Variants in DUSP29 observed in about 807,000 individuals in gnomAD.
DUSP29 encodes the protein dual specificity phosphatase 29.
DUSP29 carries 12 observed loss-of-function variants against 13.5 expected under a neutral mutation model. That is an observed-to-expected ratio of 0.89 (90% confidence interval 0.57 to 1.44). The LOEUF (loss-of-function observed/expected upper bound fraction) is 1.44. DUSP29 is among the 40% of genes most tolerant of loss of function. The probability of loss-of-function intolerance (pLI) is 0.00; values close to 1 mark genes in which losing one functional copy is unlikely to be tolerated. For synonymous variants in DUSP29, 134 were observed against 128.7 expected (o/e 1.04, Z -0.28); for missense variants, 308 against 301.1 (o/e 1.02, Z -0.17).
chr10:75,057,682 G>A (rs1474302117), intron 2 of DUSP29, among the ~76,000 whole-genome samples: 3 of 152,112 alleles, frequency 2.0e-5, no homozygotes, highest in African/African-American at 7.2e-5. Context: ...AGTTGTGTAG[G>A]GAGTGGGGAA....
chr10:75,037,487 A>G lies in DUSP29; in HGVS notation c.*349T>C, dbSNP rs1846488609. 6.6e-6 allele frequency among the ~76,000 whole-genome samples: 1 copy of G among 152,356 alleles called. No homozygotes were observed. The highest frequency in any genetic ancestry group is 2.1e-4 in the South Asian group (1 of 4,828). On this transcript the variant is annotated 3_prime_UTR_variant, in exon 4 of 4. Coordinates refer to ENST00000338487, the MANE Select transcript of DUSP29 (RefSeq NM_001003892.3). ...ATGACTTTCCTTTCAGACAAAGCCA[A>G]ACGTTTAATCACAACATACTGCCTA...
chr10:75,063,552 C>T (rs2134302858), intron 1 of DUSP29, among the ~76,000 whole-genome samples: 1 of 152,146 alleles, frequency 6.6e-6, no homozygotes, highest in South Asian at 2.1e-4. Flanking sequence ...CCTGAGTGGA[C>T]CACTTTTGAA....
chr10:75,062,514 G>A (rs1301141294), intron 1 of DUSP29, among the ~76,000 whole-genome samples: 1 of 152,182 alleles, frequency 6.6e-6, no homozygotes, highest in East Asian at 1.9e-4. Flanking sequence ...AGGAAGTGGT[G>A]CGGTCTACCC....
intron 2 of DUSP29, among the ~76,000 whole-genome samples, chr10:75,051,183 G>C (rs117013570): frequency 1.6e-4 from 24 of 152,236 alleles, no homozygotes; most frequent in Non-Finnish European, 3.1e-4. Context: ...TCTGACCCAG[G>C]GTTGTTTTCT....
chr10:75,037,800 G>C lies in DUSP29; in HGVS notation c.*36C>G, dbSNP rs551692465. 1 of 1,578,252 alleles carries C rather than the reference G, an allele frequency of 6.3e-7. No homozygotes were observed. The highest frequency in any genetic ancestry group is 1.3e-5 in the African/African-American group (1 of 74,582). ...GGGCTATGTTCTGCCTCTCCCCTCT[G>C]TCCCCAAGTGCCTCTGCTGGCCCTG... On this transcript the variant is annotated 3_prime_UTR_variant, in exon 4 of 4. Coordinates refer to ENST00000338487, the MANE Select transcript of DUSP29 (RefSeq NM_001003892.3).
At chr10:75,043,260 A>G (rs892881593) in intron 3 of DUSP29, among the ~76,000 whole-genome samples, 1 of 152,206 alleles carries the variant, frequency 6.6e-6, no homozygotes, top group African/African-American at 2.4e-5. Context: ...AGGTCTCTCC[A>G]TGGATTCCCA....
intron 2 of DUSP29, among the ~76,000 whole-genome samples, chr10:75,046,118 AAAAAG>A (rs1001139999): frequency 2.6e-5 from 4 of 151,766 alleles, no homozygotes; most frequent in African/African-American, 9.7e-5. Context: ...TCTTTAAAAA[AAAAAG>A]AAAAGAAAAA....
In DUSP29 at chr10:75,043,871, A is replaced by C; in HGVS notation, c.347T>G (p.Leu116Arg). Residue 116 changes from leucine to arginine, a missense_variant, in exon 3 of 4, where the codon CTG (leucine) becomes CGG (arginine). By Grantham distance (102) the Leu-to-Arg change is moderately radical. Transcript: ENST00000338487. ...GAAGACACTGAGGTCGAAGGTGGGC[A>C]GGTCGTCGGCCTCCACGCCGTGGTA... ...IQYHGVEADD[L>R]PTFDLSVFFY... 4 of 1,614,054 alleles carry C rather than the reference A, an allele frequency of 2.5e-6. No individual in the cohort carries two copies. Among genetic ancestry groups the C allele is most frequent in the Middle Eastern group, 3.3e-4 (2 of 6,042 alleles).
At chr10:75,049,231 C>T (rs975783696) in intron 2 of DUSP29, among the ~76,000 whole-genome samples, 10 of 152,270 alleles carry the variant, frequency 6.6e-5, no homozygotes, top group South Asian at 6.2e-4. Flanking sequence ...CCTTAGTTTT[C>T]AGGAGAGACC....
intron 2 of DUSP29, among the ~76,000 whole-genome samples, chr10:75,046,526 C>T (rs1002270806): frequency 8.5e-5 from 13 of 152,190 alleles, no homozygotes; most frequent in African/African-American, 3.1e-4. Context: ...TCATTGGTTT[C>T]CTGGAGCTTT....
chr10:75,069,764 G>A (rs2134308972), intron 1 of DUSP29, among the ~76,000 whole-genome samples: 1 of 152,248 alleles, frequency 6.6e-6, no homozygotes, highest in South Asian at 2.1e-4. Context: ...GATAGTGGCT[G>A]GGCACGGTGG....
chr10:75,062,516 G>A (rs746821167), intron 1 of DUSP29, among the ~76,000 whole-genome samples: 10 of 152,152 alleles, frequency 6.6e-5, no homozygotes, highest in East Asian at 3.9e-4. Context: ...GAAGTGGTGC[G>A]GTCTACCCCG....
In DUSP29 at chr10:75,073,046, G is replaced by A. The variant is rs571494214; in HGVS notation, c.-35+523C>T. ...CATCCCCAACCCCATCCTCCCACCA[G>A]GACTGAGAAATGCTCCCAAACCCGC... is the stretch of plus-strand genomic sequence containing the variant. On this transcript the variant is annotated intron_variant, in intron 1 of 3. Coordinates refer to ENST00000338487, the MANE Select transcript of DUSP29 (RefSeq NM_001003892.3). Among the ~76,000 whole-genome samples, 3 of 151,410 alleles carry A rather than the reference G, an allele frequency of 2.0e-5. No homozygotes were observed. In the South Asian group the frequency reaches 6.3e-4, roughly 32 times the overall value.
At chr10:75,056,678 A>G (rs1846966533) in intron 2 of DUSP29, among the ~76,000 whole-genome samples, 1 of 152,056 alleles carries the variant, frequency 6.6e-6, no homozygotes, top group Non-Finnish European at 1.5e-5. Flanking sequence ...AAAAAAAAAA[A>G]AAGTAAACCC....
intron 1 of DUSP29, among the ~76,000 whole-genome samples, chr10:75,070,170 C>T (rs1847300707): frequency 6.6e-6 from 1 of 151,934 alleles, no homozygotes; most frequent in African/African-American, 2.4e-5. Flanking sequence ...TAGGGAATAA[C>T]TGCCTCCACT....
intron 2 of DUSP29, among the ~76,000 whole-genome samples, chr10:75,048,751 C>G (rs1846758367): frequency 6.6e-6 from 1 of 152,182 alleles, no homozygotes. Flanking sequence ...GGCATCTGAT[C>G]TCGGTTAGTT....
chr10:75,054,790 G>A lies in DUSP29; in HGVS notation c.200+3525C>T, dbSNP rs190320571. Among the ~76,000 whole-genome samples, 6 of 151,918 alleles carry A rather than the reference G, an allele frequency of 3.9e-5. No homozygotes were observed. In the East Asian group the frequency reaches 1.2e-3, roughly 29 times the overall value. On this transcript the variant is annotated intron_variant, in intron 2 of 3. Coordinates refer to ENST00000338487, the MANE Select transcript of DUSP29 (RefSeq NM_001003892.3). Reference sequence around the variant, plus strand: ...CCCTGTGAGGAAGGTTATCTTATTAGCCTCTTACCAATAGGGAAACCGAGA... The same window carrying A: ...CCCTGTGAGGAAGGTTATCTTATTAACCTCTTACCAATAGGGAAACCGAGA...
intron 2 of DUSP29, among the ~76,000 whole-genome samples, chr10:75,050,961 G>A (rs949777256): frequency 1.3e-5 from 2 of 152,200 alleles, no homozygotes; most frequent in Admixed American, 1.3e-4. Flanking sequence ...GAGCAGTGAG[G>A]ACTTGGAATT....
At chr10:75,066,427 AG>A (rs1163645010) in intron 1 of DUSP29, among the ~76,000 whole-genome samples, 5 of 152,118 alleles carry the variant, frequency 3.3e-5, no homozygotes, top group Non-Finnish European at 7.4e-5. Context: ...AGAGAGAGAA[AG>A]CAGAAGTTTG....
Sources: gnomAD v4.1 joint callset for allele counts (sites outside exome capture counted in the v4.1 genomes callset) on GRCh38, gnomAD v4.1.1 for gene constraint, MANE v1.5 for transcripts, NCBI Gene and HGNC (gene_info 2026-07-23, HGNC 2026-07-21) for gene names.